PDSS2: variants seen among roughly 807,000 people sequenced by gnomAD.
PDSS2 encodes the protein all trans-polyprenyl-diphosphate synthase PDSS2.
PDSS2 carries 31 observed loss-of-function variants against 44.5 expected under a neutral mutation model. The ratio of observed to expected loss-of-function variants is 0.70; its 90% CI spans 0.52 to 0.94. The LOEUF (loss-of-function observed/expected upper bound fraction) is 0.94, where lower values mean the gene tolerates loss of function less well. Ranked by LOEUF, PDSS2 falls within the 40% of genes least tolerant of loss-of-function variation. The pLI is 0.00. For synonymous variants in PDSS2, 157 were observed against 180.3 expected, an observed-to-expected ratio of 0.87 and a Z score of 1.03; for missense variants, 452 against 482.2, an observed-to-expected ratio of 0.94 and a Z score of 0.59.
intron 1 of PDSS2, among the ~76,000 whole-genome samples, chr6:107,430,445 G>C (rs1297539880): frequency 1.3e-5 from 2 of 151,672 alleles, no homozygotes; most frequent in Non-Finnish European, 2.9e-5. Context: ...GGTTGCAGTG[G>C]GCCAAGATTG....
chr6:107,414,171 C>A (rs1288599973), intron 1 of PDSS2, among the ~76,000 whole-genome samples: 1 of 152,218 alleles, frequency 6.6e-6, no homozygotes, highest in Non-Finnish European at 1.5e-5. Flanking sequence ...GTGGGACTTA[C>A]ATTCCAGTTA....
At chr6:107,247,622 CTG>C (rs1774664263) in intron 3 of PDSS2, among the ~76,000 whole-genome samples, 1 of 152,104 alleles carries the variant, frequency 6.6e-6, no homozygotes, top group Admixed American at 6.5e-5. Flanking sequence ...GAAGTTGAAA[CTG>C]TTCCAGATAA....
chr6:107,159,688 G>C (rs1425413117), intron 7 of PDSS2, among the ~76,000 whole-genome samples: 2 of 151,994 alleles, frequency 1.3e-5, no homozygotes, highest in East Asian at 3.9e-4. Flanking sequence ...AAAGTGCTGG[G>C]ATTACAGGCG....
At chr6:107,367,472 A>C (rs1215116633) in intron 1 of PDSS2, among the ~76,000 whole-genome samples, 1 of 152,170 alleles carries the variant, frequency 6.6e-6, no homozygotes, top group African/African-American at 2.4e-5. Flanking sequence ...GTTGTACCGA[A>C]AGTTTCAGCC....
chr6:107,302,199 G>T (rs917559344), intron 2 of PDSS2, among the ~76,000 whole-genome samples: 1 of 151,898 alleles, frequency 6.6e-6, no homozygotes, highest in Non-Finnish European at 1.5e-5. Context: ...TATCATGCAC[G>T]GTAGTAAGAG....
chr6:107,285,623 G>C (rs904857450), intron 2 of PDSS2, among the ~76,000 whole-genome samples: 10 of 152,098 alleles, frequency 6.6e-5, no homozygotes, highest in African/African-American at 2.4e-4. Flanking sequence ...AATCATTAGG[G>C]AAAAGATGGA....
intron 1 of PDSS2, among the ~76,000 whole-genome samples, chr6:107,351,888 C>T (rs575904960): frequency 5.9e-5 from 9 of 152,202 alleles, no homozygotes; most frequent in African/African-American, 1.7e-4. Context: ...TATTGATATA[C>T]GTTTCTGAAA....
chr6:107,434,030 A>G (rs1781271634), intron 1 of PDSS2, among the ~76,000 whole-genome samples: 1 of 152,336 alleles, frequency 6.6e-6, no homozygotes, highest in Admixed American at 6.5e-5. Flanking sequence ...TCAGAGAAAT[A>G]AATGCAAATC....
chr6:107,244,514 T>C (rs904697061), intron 4 of PDSS2, among the ~76,000 whole-genome samples: 1 of 152,234 alleles, frequency 6.6e-6, no homozygotes. Context: ...GTGAGGTCTC[T>C]GCATACCAAT....
intron 1 of PDSS2, among the ~76,000 whole-genome samples, chr6:107,431,027 T>C (rs72941764): frequency 1.6e-4 from 25 of 152,316 alleles, no homozygotes; most frequent in African/African-American, 5.5e-4. Context: ...GAAAATCACG[T>C]TGGGTTCTGT....
chr6:107,265,871 C>T (rs569708100), intron 3 of PDSS2, among the ~76,000 whole-genome samples: 11 of 152,254 alleles, frequency 7.2e-5, no homozygotes, highest in South Asian at 4.1e-4. Flanking sequence ...ACCCGAGAGG[C>T]GGAGGTTGCA....
Position 107,322,185 on chromosome 6 carries a change from G to A in PDSS2, c.431+12013C>T, listed in dbSNP as rs762774501. Among the ~76,000 whole-genome samples the A allele has an allele frequency of 5.9e-5, 9 of 152,304 alleles. No individual in the cohort carries two copies. In the Middle Eastern group the frequency reaches 0.01, roughly 173 times the overall value. ...AGGAATTTGTATCTAATCCTGTAGG[G>A]AATGCAATTGAAGAGTTAAGGATGT... On this transcript the variant is annotated intron_variant, in intron 2 of 7. Coordinates refer to ENST00000369037, the MANE Select transcript of PDSS2 (RefSeq NM_020381.4).
intron 2 of PDSS2, among the ~76,000 whole-genome samples, chr6:107,317,256 G>T (rs1221609434): frequency 6.6e-6 from 1 of 152,076 alleles, no homozygotes; most frequent in East Asian, 1.9e-4. Context: ...CCCTATTCCA[G>T]AGGGTTTAAA....
intron 2 of PDSS2, among the ~76,000 whole-genome samples, chr6:107,286,140 A>T (rs113517934): frequency 8.9e-4 from 107 of 120,480 alleles, no homozygotes; most frequent in African/African-American, 1.6e-3. Context: ...GCAAAATAAA[A>T]AAAAAAAAAA....
At chr6:107,277,469 G>C (rs1775822383) in intron 2 of PDSS2, among the ~76,000 whole-genome samples, 1 of 152,172 alleles carries the variant, frequency 6.6e-6, no homozygotes, top group Non-Finnish European at 1.5e-5. Context: ...GCAATATTTT[G>C]AGATGAAAGG....
At chr6:107,361,537 C>A (rs1206398186) in intron 1 of PDSS2, among the ~76,000 whole-genome samples, 2 of 152,084 alleles carry the variant, frequency 1.3e-5, no homozygotes, top group African/African-American at 4.8e-5. Flanking sequence ...TCCACTTGGG[C>A]AAAAAAATCA....
At chr6:107,386,557 C>A (rs1285087648) in intron 1 of PDSS2, among the ~76,000 whole-genome samples, 1 of 152,036 alleles carries the variant, frequency 6.6e-6, no homozygotes, top group African/African-American at 2.4e-5. Flanking sequence ...GTCATAAAAC[C>A]AGAGTCCACA....
chr6:107,280,208 C>T lies in PDSS2; in HGVS notation c.432-5981G>A, dbSNP rs148310934. On this transcript the variant is annotated intron_variant, in intron 2 of 7. Coordinates refer to ENST00000369037, the MANE Select transcript of PDSS2 (RefSeq NM_020381.4). ...CCGAGTAGCTAGGATTACAGGCATG[C>T]GCCATGATGTCCAGCTAAGTTTTTT... Among the ~76,000 whole-genome samples, 17 of 152,168 alleles carry T rather than the reference C, an allele frequency of 1.1e-4. No individual in the cohort carries two copies. The East Asian group carries it at 1.7e-3, about 16-fold the overall frequency.
chr6:107,378,853 G>C (rs1235783103), intron 1 of PDSS2, among the ~76,000 whole-genome samples: 1 of 152,192 alleles, frequency 6.6e-6, no homozygotes, highest in African/African-American at 2.4e-5. Context: ...GATTAGACTG[G>C]GGTTATGAGT....
Sources: gnomAD v4.1 joint callset for allele counts (sites outside exome capture counted in the v4.1 genomes callset) on GRCh38, gnomAD v4.1.1 for gene constraint, MANE v1.5 for transcripts, NCBI Gene and HGNC (gene_info 2026-07-23, HGNC 2026-07-21) for gene names.